Variants in FABP6 observed in about 807,000 individuals in gnomAD.
FABP6 encodes the protein fatty acid binding protein 6, also known as gastrotropin.
FABP6 carries 13 observed loss-of-function variants against 14.9 expected under a neutral mutation model. The ratio of observed to expected loss-of-function variants is 0.87; its 90% CI spans 0.57 to 1.39. The LOEUF is 1.39. FABP6 is among the 40% of genes most tolerant of loss of function. FABP6 has a pLI of 0.00. For synonymous variants in FABP6, 75 were observed against 63.6 expected (o/e 1.18, Z -0.85); for missense variants, 161 against 167.2 (o/e 0.96, Z 0.20).
intron 2 of FABP6, among the ~76,000 whole-genome samples, chr5:160,200,702 C>A (rs147757903): frequency 6.6e-6 from 1 of 152,198 alleles, no homozygotes; most frequent in African/African-American, 2.4e-5. Context: ...GCGTGAGCCA[C>A]CGCACCCGGC....
upstream of FABP6, chr5:160,229,305 C>T (rs1179981567): frequency 1.5e-6 from 1 of 682,694 alleles, no homozygotes; most frequent in Admixed American, 3.3e-5. Context: ...AACCCGTTGC[C>T]ATCCTGACCC....
intron 3 of FABP6, among the ~76,000 whole-genome samples, chr5:160,235,426 A>T (rs988894810): frequency 1.3e-5 from 2 of 152,170 alleles, no homozygotes; most frequent in African/African-American, 2.4e-5. Flanking sequence ...GCAACTAATT[A>T]AAAAAATTCT....
intron 3 of FABP6, among the ~76,000 whole-genome samples, chr5:160,219,017 A>G (rs1580914361): frequency 6.6e-6 from 1 of 152,304 alleles, no homozygotes; most frequent in Middle Eastern, 3.4e-3. Context: ...GTAAAACTAG[A>G]AGTATCATCA....
upstream of FABP6, among the ~76,000 whole-genome samples, chr5:160,224,705 A>G (rs10039089): frequency 0.59 from 90,073 of 151,686 alleles, 26,941 homozygotes; most frequent in African/African-American, 0.67. Context: ...AAGGTGGGAG[A>G]ATCACTTGAG....
intron 3 of FABP6, among the ~76,000 whole-genome samples, chr5:160,220,204 G>A (rs1280517400): frequency 6.6e-6 from 1 of 152,188 alleles, no homozygotes; most frequent in African/African-American, 2.4e-5. Context: ...AATAACAGTA[G>A]ATATCCTTCA....
intron 2 of FABP6, among the ~76,000 whole-genome samples, chr5:160,207,200 A>G (rs1759786376): frequency 6.6e-6 from 1 of 152,244 alleles, no homozygotes; most frequent in Non-Finnish European, 1.5e-5. Flanking sequence ...AGGTAGGGAA[A>G]TGGGCAAGGG....
intron 2 of FABP6, among the ~76,000 whole-genome samples, chr5:160,202,485 C>A (rs1245626319): frequency 1.3e-5 from 2 of 152,118 alleles, no homozygotes. Flanking sequence ...AAAATGTCAA[C>A]AAATTGAGTT....
At chr5:160,216,348 A>T (rs537092053) in intron 3 of FABP6, among the ~76,000 whole-genome samples, 3 of 151,898 alleles carry the variant, frequency 2.0e-5, no homozygotes, top group Non-Finnish European at 4.4e-5. Flanking sequence ...GCTCACTGCA[A>T]CCTTTGCCTC....
chr5:160,195,965 T>A (rs1156372946), intron 1 of FABP6: 1 of 152,148 alleles, frequency 6.6e-6, no homozygotes, highest in Non-Finnish European at 1.5e-5. Context: ...AACAGAAGAG[T>A]CAGTTCTGGC....
chr5:160,200,168 G>A (rs1181090468), intron 2 of FABP6, among the ~76,000 whole-genome samples: 1 of 152,162 alleles, frequency 6.6e-6, no homozygotes, highest in African/African-American at 2.4e-5. Flanking sequence ...CTCAAGCTGC[G>A]GAAGTGGCAG....
intron 3 of FABP6, among the ~76,000 whole-genome samples, chr5:160,237,909 C>T (rs1760551592): frequency 6.6e-6 from 1 of 152,196 alleles, no homozygotes; most frequent in African/African-American, 2.4e-5. Flanking sequence ...AGCCAATTCC[C>T]CCTCCTGTTA....
chr5:160,190,434 G>A (rs1352798873), intron 1 of FABP6, among the ~76,000 whole-genome samples: 1 of 152,136 alleles, frequency 6.6e-6, no homozygotes, highest in Non-Finnish European at 1.5e-5. Flanking sequence ...GTTTCTCCAT[G>A]TTGGTCAGGC....
chr5:160,192,422 G>A (rs1759414214), intron 1 of FABP6, among the ~76,000 whole-genome samples: 1 of 152,240 alleles, frequency 6.6e-6, no homozygotes, highest in Non-Finnish European at 1.5e-5. Context: ...CCAGGGCAAG[G>A]TTAGCTCCAT....
At chr5:160,232,074 T>C (rs1401543904) in intron 1 of FABP6, 24 bp from the exon 2 acceptor site, 3 of 1,612,504 alleles carry the variant, frequency 1.9e-6, no homozygotes, top group Non-Finnish European at 2.5e-6. Flanking sequence ...CTTATATGGC[T>C]ACTCTGCTTG....
chr5:160,212,760 T>A (rs1380587660), intron 2 of FABP6, among the ~76,000 whole-genome samples: 1 of 152,170 alleles, frequency 6.6e-6, no homozygotes, highest in Non-Finnish European at 1.5e-5. Flanking sequence ...TGAGCCACCG[T>A]GCCCGGCCAC....
chr5:160,227,804 TAAA>T (rs1362610118), upstream of FABP6, among the ~76,000 whole-genome samples: 1 of 139,988 alleles, frequency 7.1e-6, no homozygotes, highest in Admixed American at 7.3e-5. Flanking sequence ...ATATATAACT[TAAA>T]AAAATCCATG....
intron 2 of FABP6, among the ~76,000 whole-genome samples, chr5:160,234,427 A>ATT (rs34564042): frequency 1.8e-3 from 119 of 65,864 alleles, no homozygotes; most frequent in East Asian, 3.0e-3. Flanking sequence ...TGGTAAATTC[A>ATT]TTTTTTTTTT....
chr5:160,217,890 A>T (rs548011815), intron 3 of FABP6, among the ~76,000 whole-genome samples: 1 of 151,844 alleles, frequency 6.6e-6, no homozygotes, highest in South Asian at 2.1e-4. Context: ...CAAATCTCCC[A>T]CCTCAGGCTC....
intron 1 of FABP6, among the ~76,000 whole-genome samples, chr5:160,193,480 C>T (rs1389642323): frequency 6.6e-6 from 1 of 152,164 alleles, no homozygotes; most frequent in Non-Finnish European, 1.5e-5. Context: ...CTTTTATTCT[C>T]TTATTTGGCC....
Sources: allele counts gnomAD v4.1 joint callset (sites outside exome capture counted in the v4.1 genomes callset), GRCh38; gene constraint gnomAD v4.1.1; transcripts MANE v1.5; gene names NCBI Gene and HGNC (gene_info 2026-07-23, HGNC 2026-07-21).